VGLL3: variants seen among roughly 807,000 people sequenced by gnomAD.
VGLL3 encodes transcription cofactor vestigial-like protein 3.
In VGLL3, 18 loss-of-function variants were observed where a neutral mutation model predicts 29.2. That is an observed-to-expected ratio of 0.62 (90% CI 0.43 to 0.91). The LOEUF (loss-of-function observed/expected upper bound fraction) is 0.91. Among genes scored for constraint, VGLL3 ranks in the 40% least tolerant of loss-of-function variants. The pLI, the probability that VGLL3 is intolerant of heterozygous loss-of-function variation, is 0.00. For synonymous variants in VGLL3, 180 were observed against 151.8 expected (o/e 1.19, Z -1.36); for missense variants, 440 against 413.2 (o/e 1.06, Z -0.56).
At chr3:86,947,424 A>C (rs1220086270) in intron 3 of VGLL3, among the ~76,000 whole-genome samples, 1 of 152,210 alleles carries the variant, frequency 6.6e-6, no homozygotes, top group Non-Finnish European at 1.5e-5. Flanking sequence ...AGACATAAAT[A>C]ATCTTTGGAG....
intron 3 of VGLL3, among the ~76,000 whole-genome samples, chr3:86,961,547 A>G (rs181518325): frequency 6.6e-6 from 1 of 152,302 alleles, no homozygotes; most frequent in Admixed American, 6.5e-5. Context: ...ATATTCTTGC[A>G]TTCACACGTG....
intron 3 of VGLL3, among the ~76,000 whole-genome samples, chr3:86,960,011 C>T (rs188403970): frequency 1.2e-3 from 177 of 152,166 alleles, no homozygotes; most frequent in African/African-American, 3.2e-3. Context: ...ATTCGCTATT[C>T]TCACCCGGTT....
intron 3 of VGLL3, among the ~76,000 whole-genome samples, chr3:86,957,124 G>T (rs1256574748): frequency 1.3e-5 from 2 of 152,016 alleles, no homozygotes. Flanking sequence ...ACGTGGCAGG[G>T]TATTCTAGAT....
intron 2 of VGLL3, among the ~76,000 whole-genome samples, chr3:86,972,077 A>G (rs1358245037): frequency 1.3e-5 from 2 of 152,236 alleles, no homozygotes; most frequent in African/African-American, 4.8e-5. Context: ...AGTCTCATTT[A>G]TATGTACATG....
rs541032554 is a variant in VGLL3, at chr3:86,944,968, T to C, written c.*2056A>G. The stretch of plus-strand genomic sequence containing the variant: ...AGAAGGACACAAGGCAAATCCAGAT[T>C]TATAAATTCACTAAATTTTGTGCTC... On this transcript the variant is annotated 3_prime_UTR_variant, in exon 4 of 4. Transcript: ENST00000398399. 2 of 152,320 alleles carry C rather than the reference T, an allele frequency of 1.3e-5. No individual in the cohort carries two copies. Among genetic ancestry groups the C allele is most frequent in the East Asian group, 3.9e-4 (2 of 5,186 alleles). The allele number at this position is 152,320 out of a possible 1,614,324, so 9.4% of individuals were successfully genotyped here.
At chr3:86,958,938 T>C (rs1020440380) in intron 3 of VGLL3, among the ~76,000 whole-genome samples, 7 of 152,228 alleles carry the variant, frequency 4.6e-5, no homozygotes, top group African/African-American at 1.7e-4. Flanking sequence ...GAAAAAGTTT[T>C]GTAGAAAGTG....
chr3:86,973,670 C>G (rs923936369), intron 2 of VGLL3, among the ~76,000 whole-genome samples: 4 of 152,158 alleles, frequency 2.6e-5, no homozygotes, highest in African/African-American at 9.7e-5. Context: ...TGTCTTGGTC[C>G]TATGGACATT....
At chr3:86,970,165 C>T (rs1180662789) in intron 2 of VGLL3, among the ~76,000 whole-genome samples, 1 of 152,038 alleles carries the variant, frequency 6.6e-6, no homozygotes, top group African/African-American at 2.4e-5. Context: ...AAAACGATCC[C>T]CTAACTCTTC....
At chr3:86,968,473 A>C in intron 3 of VGLL3, 117 bp downstream of exon 3, 8 of 1,189,588 alleles carry the variant, frequency 6.7e-6, no homozygotes, top group Non-Finnish European at 9.2e-6. Context: ...TAGGTTCCAT[A>C]AACATGTTGG....
intron 2 of VGLL3, among the ~76,000 whole-genome samples, chr3:86,969,674 A>ATTTT (rs1261384518): frequency 7.2e-6 from 1 of 139,670 alleles, no homozygotes; most frequent in Non-Finnish European, 1.6e-5. Flanking sequence ...TTCCAACCTC[A>ATTTT]TTTTATTTAT....
intron 2 of VGLL3, 32 bp downstream of exon 2, chr3:86,978,494 G>C: frequency 6.2e-7 from 1 of 1,606,420 alleles, no homozygotes; most frequent in Non-Finnish European, 8.5e-7. Context: ...CAAAGACAGT[G>C]CCCTGGAGAA....
At chr3:86,966,241 A>G (rs1704956855) in intron 3 of VGLL3, among the ~76,000 whole-genome samples, 1 of 152,116 alleles carries the variant, frequency 6.6e-6, no homozygotes, top group Non-Finnish European at 1.5e-5. Flanking sequence ...CTGTATAACA[A>G]GGAAGGTGTC....
chr3:86,979,849 G>A (rs1182739251), intron 1 of VGLL3, among the ~76,000 whole-genome samples: 2 of 151,854 alleles, frequency 1.3e-5, no homozygotes, highest in Admixed American at 1.3e-4. Flanking sequence ...ACATTTGGTG[G>A]GGAAAGGCAG....
rs1704519962 is a variant in VGLL3, at chr3:86,946,938, A to G, written c.*86T>C. The G allele has an allele frequency of 2.6e-6, 2 of 764,756 alleles. No individual in the cohort carries two copies. The highest frequency in any genetic ancestry group is 4.9e-6 in the Non-Finnish European group (2 of 409,964). The allele number at this position is 764,756 out of a possible 1,614,324, so 47.4% of individuals were successfully genotyped here. On this transcript the variant is annotated 3_prime_UTR_variant, in exon 4 of 4. Transcript: ENST00000398399. ...TCTCCTTCTATGCCTTTCGTGTCCT[A>G]TTGCTGAATGGAAAAACCCGACAGT...
At chr3:86,962,023 CT>C in intron 3 of VGLL3, 1 of 984,168 alleles carries the variant, frequency 1.0e-6, no homozygotes, top group Non-Finnish European at 1.2e-6. Context: ...GATAATAGAT[CT>C]TTTCTTTTTT....
intron 1 of VGLL3, among the ~76,000 whole-genome samples, chr3:86,981,626 T>G (rs1374875580): frequency 6.6e-6 from 1 of 152,086 alleles, no homozygotes; most frequent in Non-Finnish European, 1.5e-5. Context: ...GTAATGATTA[T>G]ATACTTTCTT....
intron 1 of VGLL3, among the ~76,000 whole-genome samples, chr3:86,980,687 A>G (rs1244068782): frequency 6.6e-6 from 1 of 152,152 alleles, no homozygotes; most frequent in Non-Finnish European, 1.5e-5. Context: ...TTTAAATTCC[A>G]TTAAAAAATT....
chr3:86,967,662 C>T (rs182089893), intron 3 of VGLL3, among the ~76,000 whole-genome samples: 1 of 152,130 alleles, frequency 6.6e-6, no homozygotes, highest in South Asian at 2.1e-4. Context: ...AAAGAGAGTT[C>T]CAATGTGCCA....
At chr3:86,948,633 A>G (rs911800555) in intron 3 of VGLL3, among the ~76,000 whole-genome samples, 2 of 152,176 alleles carry the variant, frequency 1.3e-5, no homozygotes, top group African/African-American at 4.8e-5. Flanking sequence ...ACAAGTCGCA[A>G]TCTCTGTACT....
Sources: gnomAD v4.1 joint callset for allele counts (sites outside exome capture counted in the v4.1 genomes callset) on GRCh38, gnomAD v4.1.1 for gene constraint, MANE v1.5 for transcripts, NCBI Gene and HGNC (gene_info 2026-07-23, HGNC 2026-07-21) for gene names.